Variants in IVNS1ABP observed in about 807,000 individuals in gnomAD.
IVNS1ABP encodes influenza virus NS1A-binding protein.
IVNS1ABP carries 25 observed loss-of-function variants against 78.9 expected under a neutral mutation model. The ratio of observed to expected loss-of-function variants is 0.32; its 90% CI spans 0.23 to 0.44. The LOEUF (loss-of-function observed/expected upper bound fraction) is 0.44. IVNS1ABP is among the 20% of genes least tolerant of loss of function. The pLI, the probability that IVNS1ABP is intolerant of heterozygous loss-of-function variation, is 1.00. For synonymous variants in IVNS1ABP, 241 were observed against 259.7 expected, an observed-to-expected ratio of 0.93 and a Z score of 0.69; for missense variants, 494 against 768.9, an observed-to-expected ratio of 0.64 and a Z score of 4.23.
At position 185,317,143 on chromosome 1, in the gene IVNS1ABP, A is replaced by G. The variant is rs1666059370; in HGVS notation, c.-437T>C. The G allele has an allele frequency of 7.5e-6, 3 of 397,846 alleles. No homozygotes were observed. The highest frequency in any genetic ancestry group is 2.1e-5 in the African/African-American group (1 of 48,312). 24.6% of individuals were successfully genotyped at this position (397,846 alleles called of 1,614,324 possible). ...GGGAGCGCCACCGAGAACTCGCGGGAACTCGCTCGCTCGCCGATACAGCCG... is the reference window on the plus strand; with the variant it reads ...GGGAGCGCCACCGAGAACTCGCGGGGACTCGCTCGCTCGCCGATACAGCCG... On this transcript the variant is annotated 5_prime_UTR_variant, in exon 1 of 15. Coordinates refer to ENST00000367498, the MANE Select transcript of IVNS1ABP (RefSeq NM_006469.5).
intron 7 of IVNS1ABP, 68 bp downstream of exon 7, chr1:185,306,946 G>T (rs1050092359): frequency 2.0e-6 from 3 of 1,526,030 alleles, no homozygotes; most frequent in Non-Finnish European, 2.7e-6. Flanking sequence ...AAAAGTGAAA[G>T]GGAATCCTTC....
rs985824554 is a variant in IVNS1ABP at position 185,298,625 on chromosome 1, A to G, written c.1676-337T>C. ...GAAGAAAAGCAGGAAGAAGCTGGAC[A>G]ATTATCCTACAGATGCAGCTACTAA... On this transcript the variant is annotated intron_variant, in intron 14 of 14. Coordinates refer to ENST00000367498, the MANE Select transcript of IVNS1ABP (RefSeq NM_006469.5). This position sits in a 1 kb window ranked among gnomAD's most constrained non-coding sequence, Gnocchi z 4.1. 9 of 314,532 alleles carry G rather than the reference A, an allele frequency of 2.9e-5. No homozygotes were observed. The highest frequency in any genetic ancestry group is 1.5e-4 in the Admixed American group (3 of 20,558). The allele number at this position is 314,532 out of a possible 1,614,324, so 19.5% of individuals were successfully genotyped here.
chr1:185,298,413 A>G lies in IVNS1ABP; in HGVS notation c.1676-125T>C. 1.2e-6 allele frequency: 1 copy of G among 831,546 alleles called. No homozygotes were observed. The highest frequency in any genetic ancestry group is 1.8e-6 in the Non-Finnish European group (1 of 542,072). The allele number at this position is 831,546 out of a possible 1,614,324, so 51.5% of individuals were successfully genotyped here. On this transcript the variant is annotated intron_variant, in intron 14 of 14. Transcript: ENST00000367498. The surrounding 1 kb of genome is among the most constrained non-coding windows in gnomAD (Gnocchi z 4.1). ...ATAGAAATGCCTGTTCATTTTGTCA[A>G]AAAGAATTTATTAAATGCCTAATAT... is the stretch of plus-strand genomic sequence containing the variant.
rs1232122330 is a variant in IVNS1ABP, at chr1:185,317,097, C to A, written c.-391G>T. ...TCAAGTAGAAGGACGAGGGGCCAGT[C>A]CGTGGAGACTGAAAGGAAGGGGGAG... On this transcript the variant is annotated 5_prime_UTR_variant, in exon 1 of 15. Coordinates refer to ENST00000367498, the MANE Select transcript of IVNS1ABP (RefSeq NM_006469.5). The A allele has an allele frequency of 5.5e-5, 22 of 398,402 alleles. 1 individual carries two copies. In the East Asian group the frequency reaches 7.8e-4, roughly 14 times the overall value. 24.7% of individuals were successfully genotyped at this position (398,402 alleles called of 1,614,324 possible).
At chr1:185,308,494 A>G (rs1665797576) in intron 5 of IVNS1ABP, among the ~76,000 whole-genome samples, 1 of 152,200 alleles carries the variant, frequency 6.6e-6, no homozygotes, top group African/African-American at 2.4e-5. Context: ...AATTGAGGAT[A>G]TAAGTTATGT....
At chr1:185,299,965 CT>C in intron 13 of IVNS1ABP, 33 bp downstream of exon 13, 1 of 1,600,212 alleles carries the variant, frequency 6.2e-7, no homozygotes, top group Non-Finnish European at 8.5e-7. Context: ...ATTTGAAGGT[CT>C]TTAAAAAAAA....
At position 185,311,251 on chromosome 1, in the gene IVNS1ABP, T is replaced by C; in HGVS notation, c.-175A>G. 5.0e-6 allele frequency: 2 copies of C among 397,772 alleles called. No individual in the cohort carries two copies. The allele number at this position is 397,772 out of a possible 1,614,324, so 24.6% of individuals were successfully genotyped here. On this transcript the variant is annotated 5_prime_UTR_variant, in exon 2 of 15. Transcript: ENST00000367498. ...AATGGTGATTCCAAAACTATCAGGC[T>C]TGAAAATGATGTAATCAAGTCCTTA...
intron 1 of IVNS1ABP, among the ~76,000 whole-genome samples, chr1:185,314,592 T>C (rs1665966273): frequency 6.6e-6 from 1 of 152,068 alleles, no homozygotes; most frequent in South Asian, 2.1e-4. Context: ...GCATGGAAAG[T>C]AGGTGAAGGA....
intron 5 of IVNS1ABP, 45 bp from the exon 6 acceptor site, chr1:185,307,707 T>G (rs1416503059): frequency 6.4e-7 from 1 of 1,557,146 alleles, no homozygotes; most frequent in South Asian, 1.1e-5. Context: ...ATATCTTTTA[T>G]TCAACAAATA....
intron 1 of IVNS1ABP, among the ~76,000 whole-genome samples, chr1:185,311,679 T>C (rs1665888267): frequency 6.6e-6 from 1 of 152,186 alleles, no homozygotes; most frequent in Non-Finnish European, 1.5e-5. Context: ...AAACATGAGA[T>C]CTGTTTTGAG....
At chr1:185,310,180 GTTCCT>G (rs1245005249) in intron 2 of IVNS1ABP, among the ~76,000 whole-genome samples, 2 of 152,062 alleles carry the variant, frequency 1.3e-5, no homozygotes, top group African/African-American at 4.8e-5. Flanking sequence ...CTTATATTCT[GTTCCT>G]TTCTTTCATA....
chr1:185,300,933 C>A (rs774590020), intron 10 of IVNS1ABP, 39 bp downstream of exon 10: 11 of 1,516,408 alleles, frequency 7.3e-6, no homozygotes, highest in Admixed American at 3.5e-5. Flanking sequence ...CAAAAATGCC[C>A]ATCTACATGC....
At position 185,306,842 on chromosome 1, in the gene IVNS1ABP, C is replaced by T; in HGVS notation, c.657+172G>A. Reference sequence around the variant, plus strand: ...AAGAAAAGCAGAAGACCAAACTGAACAGTTCATTCAGCTCACCTGGACACC... The same window carrying T: ...AAGAAAAGCAGAAGACCAAACTGAATAGTTCATTCAGCTCACCTGGACACC... On this transcript the variant is annotated intron_variant, in intron 7 of 14. Coordinates refer to ENST00000367498, the MANE Select transcript of IVNS1ABP (RefSeq NM_006469.5). The T allele has an allele frequency of 5.3e-6, 4 of 756,654 alleles. No individual in the cohort carries two copies. In the South Asian group the frequency reaches 7.7e-5, roughly 15 times the overall value. 46.9% of individuals were successfully genotyped at this position (756,654 alleles called of 1,614,324 possible). A position where few individuals can be genotyped will look rare whatever the true frequency, so the allele number is the denominator to read the frequency against.
intron 7 of IVNS1ABP, chr1:185,306,566 A>G (rs879776155): frequency 5.6e-5 from 72 of 1,281,458 alleles, no homozygotes; most frequent in Non-Finnish European, 7.1e-5. Flanking sequence ...TTACGTGTCA[A>G]TACACTTGAG....
In IVNS1ABP at chr1:185,309,484, TG is replaced by T; in HGVS notation, c.9del (p.Asn4MetfsTer4). MI[P>X]NGYLMFEDEN... ...TCATCCTCAAACATCAAATATCCATTGGGAATCATTTTTCCTTATAAATTTG... is the reference window on the plus strand; with the variant it reads ...TCATCCTCAAACATCAAATATCCATTGGAATCATTTTTCCTTATAAATTTG... On this transcript the variant is annotated frameshift_variant, in exon 3 of 15. Coordinates refer to ENST00000367498, the MANE Select transcript of IVNS1ABP (RefSeq NM_006469.5). LOFTEE classifies it high-confidence loss of function. 1 of 1,591,096 alleles carries T rather than the reference TG, an allele frequency of 6.3e-7. No individual in the cohort carries two copies. Among genetic ancestry groups the T allele is most frequent in the Non-Finnish European group, 8.6e-7 (1 of 1,162,496 alleles).
At chr1:185,315,586 A>G (rs1453420975) in intron 1 of IVNS1ABP, among the ~76,000 whole-genome samples, 2 of 152,214 alleles carry the variant, frequency 1.3e-5, no homozygotes, top group African/African-American at 2.4e-5. Context: ...GTTAAATGAT[A>G]CTAGTCTCAA....
In IVNS1ABP at chr1:185,300,144, A is replaced by C; in HGVS notation, c.1370-14T>G. 6.2e-7 allele frequency: 1 copy of C among 1,609,034 alleles called. No homozygotes were observed. The highest frequency in any genetic ancestry group is 8.5e-7 in the Non-Finnish European group (1 of 1,176,874). ...GAGCACACACTCCTATGTAAGTATA[A>C]AATAAAGTTACATATTGATAATTTA... On this transcript the variant is annotated splice_polypyrimidine_tract_variant and intron_variant, in intron 12 of 14. Transcript: ENST00000367498.
At position 185,308,753 on chromosome 1, in the gene IVNS1ABP, A is replaced by C. The variant is rs952555683; in HGVS notation, c.357+47T>G. The C allele has an allele frequency of 2.2e-6, 3 of 1,386,694 alleles. No individual in the cohort carries two copies. The African/African-American group carries it at 4.3e-5, about 20-fold the overall frequency. The allele number at this position is 1,386,694 out of a possible 1,614,324, so 85.9% of individuals were successfully genotyped here. ...ATGACAAATTCAGCATTGCAATCAC[A>C]CAAAATAAGACTCCATAAATGATTT... is the stretch of plus-strand genomic sequence containing the variant. On this transcript the variant is annotated intron_variant, in intron 5 of 14. Transcript: ENST00000367498.
chr1:185,304,810 G>A (rs1665694238), intron 8 of IVNS1ABP, among the ~76,000 whole-genome samples: 1 of 152,052 alleles, frequency 6.6e-6, no homozygotes, highest in Non-Finnish European at 1.5e-5. Context: ...ACACTGGTAG[G>A]TTCACTATGT....
Sources: gnomAD v4.1 joint callset for allele counts (sites outside exome capture counted in the v4.1 genomes callset) on GRCh38, gnomAD v4.1.1 for gene constraint, Gnocchi (gnomAD v3.1) non-coding constraint, MANE v1.5 for transcripts, NCBI Gene and HGNC (gene_info 2026-07-23, HGNC 2026-07-21) for gene names.